JPH2: variants seen among roughly 807,000 people sequenced by gnomAD.
The protein encoded by JPH2 is junctophilin 2.
JPH2 carries 38 observed loss-of-function variants against 55.9 expected under a neutral mutation model. The observed-to-expected ratio is 0.68, with a 90% CI of 0.52 to 0.89. The LOEUF is 0.89. Among genes scored for constraint, JPH2 ranks in the 40% least tolerant of loss-of-function variants. The pLI, the probability that JPH2 is intolerant of heterozygous loss-of-function variation, is 0.00. For missense variants in JPH2, 964 were observed against 1,037.6 expected (o/e 0.93, Z 0.97); for synonymous variants, 480 against 472.4 (o/e 1.02, Z -0.21).
At chr20:44,133,514 C>A (rs943443576) in intron 2 of JPH2, among the ~76,000 whole-genome samples, 3 of 152,026 alleles carry the variant, frequency 2.0e-5, no homozygotes, top group African/African-American at 7.2e-5. Flanking sequence ...GGCAGTCTAC[C>A]TGATTCCAAA....
In JPH2 at chr20:44,107,592, A is replaced by C. The variant is rs2072116048; in HGVS notation, c.*5926T>G. Among the ~76,000 whole-genome samples, 1 of 152,220 alleles carries C rather than the reference A, an allele frequency of 6.6e-6. No individual in the cohort carries two copies. Among genetic ancestry groups the C allele is most frequent in the Admixed American group, 6.5e-5 (1 of 15,284 alleles). ...GGATATGTAGAACCACAGATGGAAAAAACCTGGGTCCCTGAATCATTATGA... is the reference window on the plus strand; with the variant it reads ...GGATATGTAGAACCACAGATGGAAACAACCTGGGTCCCTGAATCATTATGA... On this transcript the variant is annotated 3_prime_UTR_variant, in exon 6 of 6. Transcript: ENST00000372980.
intron 1 of JPH2, among the ~76,000 whole-genome samples, chr20:44,161,335 A>G (rs1424973278): frequency 6.6e-6 from 1 of 152,130 alleles, no homozygotes; most frequent in Admixed American, 6.5e-5. Context: ...GGTGTCGGCA[A>G]CTTAGGCCCT....
At position 44,186,631 on chromosome 20, in the gene JPH2, C is replaced by A. The variant is rs1488206040; in HGVS notation, c.75G>T (p.Gly25=). ...CCTTGGGGCCTGTGCACAGTCCATG[C>A]CCATGGGCCTTTCCCCCCTCCCAGC... ...CGGWEGGKAH[G]HGLCTGPKGQ... Residue 25 remains glycine, a synonymous_variant, in exon 1 of 6, where the codon GGG becomes GGT. Coordinates refer to ENST00000372980, the MANE Select transcript of JPH2 (RefSeq NM_020433.5). 1 of 1,611,510 alleles carries A rather than the reference C, an allele frequency of 6.2e-7. No homozygotes were observed. Among genetic ancestry groups the A allele is most frequent in the Non-Finnish European group, 8.5e-7 (1 of 1,179,982 alleles).
chr20:44,181,380 G>T (rs2072782371), intron 1 of JPH2, among the ~76,000 whole-genome samples: 1 of 152,072 alleles, frequency 6.6e-6, no homozygotes, highest in African/African-American at 2.4e-5. Context: ...TGTGTATCTC[G>T]CCAACTGAAT....
chr20:44,162,759 T>TTCC (rs2072620250), intron 1 of JPH2, among the ~76,000 whole-genome samples: 1 of 62,758 alleles, frequency 1.6e-5, no homozygotes, highest in Non-Finnish European at 3.1e-5. Context: ...TATATATATA[T>TTCC]ATATATATAT....
rs557890680 is a variant in JPH2 at position 44,139,840 on chromosome 20, C to T, written c.1169+19778G>A. Among the ~76,000 whole-genome samples the T allele has an allele frequency of 5.3e-5, 8 of 152,182 alleles. No homozygotes were observed. The South Asian group carries it at 1.5e-3, about 28-fold the overall frequency. On this transcript the variant is annotated intron_variant, in intron 2 of 5. Coordinates refer to ENST00000372980, the MANE Select transcript of JPH2 (RefSeq NM_020433.5). ...AGGAGATGGACTCTTTATAGTAATACTTTTCTAACTGTTGGGTTTTGAACC... is the reference window on the plus strand; with the variant it reads ...AGGAGATGGACTCTTTATAGTAATATTTTTCTAACTGTTGGGTTTTGAACC...
intron 2 of JPH2, among the ~76,000 whole-genome samples, chr20:44,131,138 C>T (rs1283735837): frequency 1.3e-5 from 2 of 152,164 alleles, no homozygotes; most frequent in African/African-American, 4.8e-5. Flanking sequence ...ATCTAAAGAA[C>T]AGAATATGCA....
chr20:44,172,500 T>TGTTTC (rs2072705867), intron 1 of JPH2, among the ~76,000 whole-genome samples: 1 of 148,824 alleles, frequency 6.7e-6, no homozygotes, highest in Non-Finnish European at 1.5e-5. Context: ...TGTTTTGTTT[T>TGTTTC]GTTTCGTTTC....
intron 2 of JPH2, among the ~76,000 whole-genome samples, chr20:44,149,065 C>CAA (rs578078047): frequency 4.7e-4 from 58 of 123,430 alleles, no homozygotes; most frequent in Admixed American, 1.1e-3. Flanking sequence ...GACTCCGTCT[C>CAA]AAAAAAAAAA....
chr20:44,113,157 C>A lies in JPH2; in HGVS notation c.*361G>T. On this transcript the variant is annotated 3_prime_UTR_variant, in exon 6 of 6. Coordinates refer to ENST00000372980, the MANE Select transcript of JPH2 (RefSeq NM_020433.5). ...TCAATGTCCTGGTTAGGTGACATCTCCCAAAACACACAAAAGCCCAGGGAG... is the reference window on the plus strand; with the variant it reads ...TCAATGTCCTGGTTAGGTGACATCTACCAAAACACACAAAAGCCCAGGGAG... 1 of 152,486 alleles carries A rather than the reference C, an allele frequency of 6.6e-6. No homozygotes were observed. The highest frequency in any genetic ancestry group is 1.9e-4 in the East Asian group (1 of 5,174). 9.4% of individuals were successfully genotyped at this position (152,486 alleles called of 1,614,324 possible).
rs139951252 is a variant in JPH2 at position 44,147,928 on chromosome 20, C to G, written c.1169+11690G>C. 5.9e-5 allele frequency among the ~76,000 whole-genome samples: 9 copies of G among 152,156 alleles called. No individual in the cohort carries two copies. In the South Asian group the frequency reaches 6.2e-4, roughly 11 times the overall value. On this transcript the variant is annotated intron_variant, in intron 2 of 5. Transcript: ENST00000372980. ...CTGTAATTCCAGCACTTTGGGAGGC[C>G]GAGGCGGGTGGATCATTTGAGGTCA...
rs551755739 is a variant in JPH2, at chr20:44,109,457, G to A, written c.*4061C>T. Among the ~76,000 whole-genome samples the A allele has an allele frequency of 6.6e-6, 1 of 152,320 alleles. No individual in the cohort carries two copies. Among genetic ancestry groups the A allele is most frequent in the Admixed American group, 6.5e-5 (1 of 15,306 alleles). On this transcript the variant is annotated 3_prime_UTR_variant, in exon 6 of 6. Coordinates refer to ENST00000372980, the MANE Select transcript of JPH2 (RefSeq NM_020433.5). ...AGGGACAGAGCCAAGATTTGAACCA[G>A]CAACCATGTTCTGAACCACACAGCT...
chr20:44,171,416 C>T (rs1053560232), intron 1 of JPH2, among the ~76,000 whole-genome samples: 2 of 152,206 alleles, frequency 1.3e-5, no homozygotes, highest in African/African-American at 4.8e-5. Context: ...GCTGCTAACA[C>T]TCCTGGCAGC....
At chr20:44,117,413 A>G in intron 3 of JPH2, among the ~76,000 whole-genome samples, 1 of 152,216 alleles carries the variant, frequency 6.6e-6, no homozygotes, top group East Asian at 1.9e-4. Context: ...CTCGATTCTC[A>G]GGACCCACAG....
Position 44,133,251 on chromosome 20 carries a change from T to C in JPH2, c.1170-14628A>G, listed in dbSNP as rs562102667. Reference sequence around the variant, plus strand: ...ACTCTCCCCAATTAAACCCTTGCAATAGACCCTTTCCTGCCAGGACCCACA... The same window carrying C: ...ACTCTCCCCAATTAAACCCTTGCAACAGACCCTTTCCTGCCAGGACCCACA... On this transcript the variant is annotated intron_variant, in intron 2 of 5. Transcript: ENST00000372980. 3.3e-5 allele frequency among the ~76,000 whole-genome samples: 5 copies of C among 149,820 alleles called. No homozygotes were observed. In the East Asian group the frequency reaches 8.1e-4, roughly 24 times the overall value.
In JPH2 at chr20:44,142,417, G is replaced by A. The variant is rs921077744; in HGVS notation, c.1169+17201C>T. 3.3e-5 allele frequency among the ~76,000 whole-genome samples: 5 copies of A among 152,000 alleles called. No homozygotes were observed. In the South Asian group the frequency reaches 1.0e-3, roughly 32 times the overall value. ...CCCACGCTCTCTCCGGCCTTTTCTC[G>A]CACTGCTGTCCTCCCCCTCACTCCA... On this transcript the variant is annotated intron_variant, in intron 2 of 5. Transcript: ENST00000372980.
chr20:44,174,566 G>A (rs982817031), intron 1 of JPH2, among the ~76,000 whole-genome samples: 1 of 152,220 alleles, frequency 6.6e-6, no homozygotes, highest in Non-Finnish European at 1.5e-5. Context: ...TTGAGGTCAG[G>A]AGTTCGCGAC....
chr20:44,178,803 G>A lies in JPH2; in HGVS notation c.379+7524C>T, dbSNP rs538675343. ...ACATTGGCATAAAGATAGACAAACT[G>A]ATCAACAGAAAAGATATTCTATTAT... On this transcript the variant is annotated intron_variant, in intron 1 of 5. Transcript: ENST00000372980. Among the ~76,000 whole-genome samples the A allele has an allele frequency of 5.6e-4, 85 of 152,252 alleles. 1 individual carries two copies. The highest frequency in any genetic ancestry group is 1.9e-3 in the African/African-American group (80 of 41,556).
intron 1 of JPH2, among the ~76,000 whole-genome samples, chr20:44,167,516 G>T (rs570410016): frequency 1.3e-5 from 2 of 152,136 alleles, no homozygotes; most frequent in Non-Finnish European, 2.9e-5. Flanking sequence ...TCCAGATTCA[G>T]CAGTTCAAGC....
Sources: allele counts gnomAD v4.1 joint callset (sites outside exome capture counted in the v4.1 genomes callset), GRCh38; gene constraint gnomAD v4.1.1; transcripts MANE v1.5; gene names NCBI Gene and HGNC (gene_info 2026-07-23, HGNC 2026-07-21).